Variants in CHRNA7 observed in about 807,000 individuals in gnomAD.
CHRNA7 encodes neuronal acetylcholine receptor subunit alpha-7.
Under a neutral mutation model 48.0 loss-of-function variants are expected in CHRNA7, and 17 were observed. The ratio of observed to expected loss-of-function variants is 0.35; its 90% CI spans 0.24 to 0.53. The LOEUF is 0.53. Among genes scored for constraint, CHRNA7 ranks in the 20% least tolerant of loss-of-function variants. The pLI is 0.92. For missense variants in CHRNA7, 155 were observed against 577.7 expected (o/e 0.27, Z 7.50); for synonymous variants, 75 against 242.3 (o/e 0.31, Z 6.41).
At chr15:32,032,088 G>A (rs1901869993) in intron 2 of CHRNA7, among the ~76,000 whole-genome samples, 2 of 152,196 alleles carry the variant, frequency 1.3e-5, no homozygotes, top group African/African-American at 4.8e-5. Flanking sequence ...CTATCATGTT[G>A]ATGAATGGTA....
intron 2 of CHRNA7, among the ~76,000 whole-genome samples, chr15:32,067,726 A>T (rs1328704492): frequency 1.3e-5 from 2 of 152,244 alleles, no homozygotes; most frequent in East Asian, 3.8e-4. Context: ...GTGTATATAA[A>T]TGTAATTTTT....
At chr15:32,074,637 A>ATTAT (rs2050107804) in intron 2 of CHRNA7, among the ~76,000 whole-genome samples, 1 of 141,770 alleles carries the variant, frequency 7.1e-6, no homozygotes, top group African/African-American at 2.6e-5. Context: ...CACATTATTA[A>ATTAT]TATTATTATT....
At chr15:32,108,702 G>A (rs775785180) in intron 3 of CHRNA7, among the ~76,000 whole-genome samples, 2 of 152,126 alleles carry the variant, frequency 1.3e-5, no homozygotes, top group African/African-American at 4.8e-5. Flanking sequence ...TGTTATGACT[G>A]TTACTACAGC....
intron 2 of CHRNA7, among the ~76,000 whole-genome samples, chr15:32,069,953 T>G (rs1469798723): frequency 6.6e-6 from 1 of 152,198 alleles, no homozygotes; most frequent in African/African-American, 2.4e-5. Flanking sequence ...TTTTTATAAT[T>G]ATTTTTTATC....
intron 4 of CHRNA7, among the ~76,000 whole-genome samples, chr15:32,126,909 G>A (rs991792038): frequency 6.6e-6 from 1 of 152,116 alleles, no homozygotes; most frequent in Non-Finnish European, 1.5e-5. Flanking sequence ...GATTTCACCA[G>A]TTTTACATTC....
intron 2 of CHRNA7, among the ~76,000 whole-genome samples, chr15:32,054,608 A>T (rs147333643): frequency 1.3e-5 from 2 of 152,198 alleles, no homozygotes; most frequent in African/African-American, 4.8e-5. Flanking sequence ...TACTTCAAAC[A>T]CCAAAGTCTA....
chr15:32,043,637 A>G, intron 2 of CHRNA7, among the ~76,000 whole-genome samples: 1 of 152,168 alleles, frequency 6.6e-6, no homozygotes, highest in Non-Finnish European at 1.5e-5. Context: ...ACAACACTTT[A>G]ATTCCATAAT....
At chr15:32,138,731 A>ATGTTTTGTTTTGTTTTGTTTTGTTT (rs56884132) in intron 4 of CHRNA7, among the ~76,000 whole-genome samples, 5,276 of 146,170 alleles carry the variant, frequency 0.036, 136 homozygotes, top group South Asian at 0.047. Context: ...TTGACCTGTT[A>ATGTTTTGTTTTGTTTTGTTTTGTTT]TGTTTTGTTT....
intron 2 of CHRNA7, among the ~76,000 whole-genome samples, chr15:32,090,685 T>G (rs545096081): frequency 4.5e-4 from 69 of 151,984 alleles, no homozygotes; most frequent in African/African-American, 1.6e-3. Context: ...GTTATGAGAG[T>G]GATTAATTCT....
intron 2 of CHRNA7, among the ~76,000 whole-genome samples, chr15:32,035,942 C>T (rs897106111): frequency 6.6e-6 from 1 of 152,262 alleles, no homozygotes; most frequent in African/African-American, 2.4e-5. Flanking sequence ...ACCCCAAATG[C>T]ATAGTTTATA....
At chr15:32,046,542 T>G (rs907264407) in intron 2 of CHRNA7, among the ~76,000 whole-genome samples, 14 of 151,764 alleles carry the variant, frequency 9.2e-5, no homozygotes, top group South Asian at 6.3e-4. Flanking sequence ...TAAATTTGTT[T>G]GAGTTCATTG....
chr15:32,103,622 A>G (rs1194608551), intron 3 of CHRNA7, among the ~76,000 whole-genome samples: 1 of 152,096 alleles, frequency 6.6e-6, no homozygotes, highest in Non-Finnish European at 1.5e-5. Flanking sequence ...CCTTTTGCCC[A>G]GGACACATGA....
chr15:32,107,665 G>A (rs1276009580), intron 3 of CHRNA7, among the ~76,000 whole-genome samples: 2 of 152,002 alleles, frequency 1.3e-5, no homozygotes, highest in Non-Finnish European at 2.9e-5. Context: ...GGGCGTCGTG[G>A]CCGCAAGGGT....
intron 4 of CHRNA7, among the ~76,000 whole-genome samples, chr15:32,137,647 G>GA (rs1326601796): frequency 6.6e-6 from 1 of 152,154 alleles, no homozygotes; most frequent in Admixed American, 6.5e-5. Context: ...TACAGATATA[G>GA]AAAAAATGCA....
chr15:32,091,355 C>T (rs1595435631), intron 2 of CHRNA7, among the ~76,000 whole-genome samples: 1 of 151,910 alleles, frequency 6.6e-6, no homozygotes, highest in African/African-American at 2.4e-5. Flanking sequence ...TATTTTCTTT[C>T]TTTTGTCTTT....
At chr15:32,076,230 C>G (rs2050134138) in intron 2 of CHRNA7, among the ~76,000 whole-genome samples, 1 of 152,144 alleles carries the variant, frequency 6.6e-6, no homozygotes, top group Admixed American at 6.6e-5. Context: ...TTTTCTGTCT[C>G]TTTCTCTTTT....
chr15:32,145,154 C>A (rs1213616539), intron 4 of CHRNA7, among the ~76,000 whole-genome samples: 1 of 152,160 alleles, frequency 6.6e-6, no homozygotes, highest in African/African-American at 2.4e-5. Flanking sequence ...TGTTAGTTTT[C>A]CTTTTAACAG....
chr15:32,104,195 C>G (rs1000260240), intron 3 of CHRNA7, among the ~76,000 whole-genome samples: 1 of 151,928 alleles, frequency 6.6e-6, no homozygotes, highest in African/African-American at 2.4e-5. Flanking sequence ...TTTTCCTCTC[C>G]CCTCCCCTCT....
chr15:32,134,486 A>G (rs947567857), intron 4 of CHRNA7, among the ~76,000 whole-genome samples: 2 of 152,194 alleles, frequency 1.3e-5, no homozygotes, highest in African/African-American at 4.8e-5. Flanking sequence ...CTCTTGTGCC[A>G]TTTAGCCTTC....
Sources: gnomAD v4.1 joint callset for allele counts (sites outside exome capture counted in the v4.1 genomes callset) on GRCh38, gnomAD v4.1.1 for gene constraint, MANE v1.5 for transcripts, NCBI Gene and HGNC (gene_info 2026-07-23, HGNC 2026-07-21) for gene names.